DECR1: variants seen among roughly 807,000 people sequenced by gnomAD.
The protein encoded by DECR1 is 2,4-dienoyl-CoA reductase [(3E)-enoyl-CoA-producing], mitochondrial.
In DECR1, 44 loss-of-function variants were observed where a neutral mutation model predicts 38.8. The observed-to-expected ratio is 1.13, with a 90% CI of 0.89 to 1.46. The LOEUF (loss-of-function observed/expected upper bound fraction) is 1.46, where lower values mean the gene tolerates loss of function less well. Among genes scored for constraint, DECR1 ranks in the 40% most tolerant of loss-of-function variants. The pLI is 0.00. For missense variants in DECR1, 428 were observed against 405.5 expected (o/e 1.06, Z -0.48); for synonymous variants, 148 against 135.2 (o/e 1.09, Z -0.66).
chr8:90,007,491 G>A (rs762526804), intron 1 of DECR1, among the ~76,000 whole-genome samples: 13 of 151,998 alleles, frequency 8.6e-5, no homozygotes, highest in South Asian at 2.1e-4. Flanking sequence ...GCTTATAGAC[G>A]GATGGGATGT....
intron 5 of DECR1, 150 bp from the exon 6 acceptor site, chr8:90,036,691 C>T (rs1423216380): frequency 3.8e-6 from 2 of 529,932 alleles, no homozygotes; most frequent in Non-Finnish European, 6.6e-6. Context: ...AGGTTACTCT[C>T]TCATTAATTT....
intron 5 of DECR1, 22 bp downstream of exon 5, chr8:90,021,078 A>G (rs370070181): frequency 5.2e-6 from 8 of 1,541,440 alleles, no homozygotes; most frequent in South Asian, 2.5e-5. Flanking sequence ...TGCTTTTCTC[A>G]TATTTATTTG....
At chr8:90,049,054 C>T (rs868307556) in intron 8 of DECR1, among the ~76,000 whole-genome samples, 201 of 152,148 alleles carry the variant, frequency 1.3e-3, no homozygotes, top group African/African-American at 4.6e-3. Flanking sequence ...ATAATAAGAG[C>T]TATTTATGAC....
intron 6 of DECR1, among the ~76,000 whole-genome samples, chr8:90,040,558 G>A (rs993841228): frequency 6.6e-6 from 1 of 152,136 alleles, no homozygotes; most frequent in African/African-American, 2.4e-5. Context: ...ATGTGCCATG[G>A]TGGTTTGCAG....
chr8:90,036,895 T>C lies in DECR1; in HGVS notation c.620T>C (p.Val207Ala). ...TIYAETGSGF[V>A]VPSASAKAGV... ...TATGCTGAGACTGGTTCAGGTTTTG[T>C]AGTACCAAGTGCTTCTGCCAAAGCA... The change falls in exon 6 of 10, where the codon GTA becomes GCA. Residue 207 changes from valine to alanine, a missense_variant. Coordinates refer to ENST00000220764, the MANE Select transcript of DECR1 (RefSeq NM_001359.2). 1 of 1,613,558 alleles carries C rather than the reference T, an allele frequency of 6.2e-7. No individual in the cohort carries two copies. Among genetic ancestry groups the C allele is most frequent in the Non-Finnish European group, 8.5e-7 (1 of 1,179,752 alleles).
intron 5 of DECR1, among the ~76,000 whole-genome samples, chr8:90,034,367 G>A (rs937754659): frequency 6.6e-6 from 1 of 152,132 alleles, no homozygotes; most frequent in Non-Finnish European, 1.5e-5. Context: ...GAATAAATAA[G>A]AAGTAGAGAA....
chr8:90,030,728 T>C (rs1367435398), intron 5 of DECR1, among the ~76,000 whole-genome samples: 1 of 152,214 alleles, frequency 6.6e-6, no homozygotes, highest in Non-Finnish European at 1.5e-5. Flanking sequence ...GCTTAGAGTA[T>C]ATAAGAACCA....
chr8:90,032,098 A>G (rs928183067), intron 5 of DECR1, among the ~76,000 whole-genome samples: 4 of 152,072 alleles, frequency 2.6e-5, no homozygotes, highest in Non-Finnish European at 5.9e-5. Context: ...TTCAGATCTT[A>G]TAGGCTAATA....
rs1001185240 is a variant in DECR1, at chr8:90,002,597, A to G, written c.69+1036A>G. 5.9e-5 allele frequency among the ~76,000 whole-genome samples: 9 copies of G among 152,252 alleles called. No individual in the cohort carries two copies. In the East Asian group the frequency reaches 7.7e-4, roughly 13 times the overall value. ...TTTCTTTAGCCAGGTAGAAAAATTA[A>G]TATGTCAACTGTGAAAAAACTTCTT... On this transcript the variant is annotated intron_variant, in intron 1 of 9. Coordinates refer to ENST00000220764, the MANE Select transcript of DECR1 (RefSeq NM_001359.2).
chr8:90,026,920 T>C (rs1166819889), intron 5 of DECR1, among the ~76,000 whole-genome samples: 1 of 152,244 alleles, frequency 6.6e-6, no homozygotes, highest in Non-Finnish European at 1.5e-5. Context: ...TGGTATGTTG[T>C]GTCTTTGTTC....
rs1586142475 is a variant in DECR1 at position 90,017,290 on chromosome 8, T to C, written c.236T>C (p.Leu79Pro). Residue 79 changes from leucine (L) to proline (P), a missense_variant, in exon 2 of 10, where the codon CTG becomes CCG. Transcript: ENST00000220764. ...CTTGGTAAAGGAATGACAACTCTTC[T>C]GTCCAGCCTAGGTGCTCAGTGCGTG... ...TGLGKGMTTL[L>P]SSLGAQCVIA... The C allele has an allele frequency of 1.2e-6, 2 of 1,614,192 alleles. No individual in the cohort carries two copies. Among genetic ancestry groups the C allele is most frequent in the Non-Finnish European group, 1.7e-6 (2 of 1,180,034 alleles).
rs543735061 is a variant in DECR1, at chr8:90,051,098, C to T, written c.886-579C>T. On this transcript the variant is annotated intron_variant, in intron 8 of 9. Coordinates refer to ENST00000220764, the MANE Select transcript of DECR1 (RefSeq NM_001359.2). ...AAATGACGAGTTAATGCGTGCAGCA[C>T]ACCAACATGGCACATGTATACATAT... Among the ~76,000 whole-genome samples, 14 of 151,600 alleles carry T rather than the reference C, an allele frequency of 9.2e-5. 1 individual carries two copies. Among genetic ancestry groups the T allele is most frequent in the South Asian group, 4.2e-4 (2 of 4,816 alleles).
chr8:90,052,035 G>A lies in DECR1; in HGVS notation c.*138G>A. 2 of 684,360 alleles carry A rather than the reference G, an allele frequency of 2.9e-6. No individual in the cohort carries two copies. The highest frequency in any genetic ancestry group is 2.5e-6 in the Non-Finnish European group (1 of 407,886). 42.4% of individuals were successfully genotyped at this position (684,360 alleles called of 1,614,324 possible). On this transcript the variant is annotated 3_prime_UTR_variant, in exon 10 of 10. Coordinates refer to ENST00000220764, the MANE Select transcript of DECR1 (RefSeq NM_001359.2). ...TGAATATGTATTATGTGCCAGGCCA[G>A]TGATAGCCATTGTATATTCAAAGAT...
At position 90,052,960 on chromosome 8, in the gene DECR1, A is replaced by G. The variant is rs1814133097; in HGVS notation, c.*1063A>G. ...CAAGCCCATGGAAACCCCAATTAAC[A>G]TTGACAGTTAATTGTGTACATAAAT... On this transcript the variant is annotated 3_prime_UTR_variant, in exon 10 of 10. Transcript: ENST00000220764. 6.6e-6 allele frequency among the ~76,000 whole-genome samples: 1 copy of G among 152,162 alleles called. No homozygotes were observed. The highest frequency in any genetic ancestry group is 1.5e-5 in the Non-Finnish European group (1 of 68,024).
chr8:90,018,359 C>T (rs2130050001), intron 2 of DECR1, among the ~76,000 whole-genome samples: 1 of 152,250 alleles, frequency 6.6e-6, no homozygotes, highest in Admixed American at 6.5e-5. Context: ...AAAAATCCAC[C>T]CCTTCACCAT....
intron 8 of DECR1, among the ~76,000 whole-genome samples, chr8:90,051,171 A>G (rs2130188885): frequency 6.7e-6 from 1 of 148,970 alleles, no homozygotes; most frequent in Admixed American, 6.9e-5. Context: ...CTTCAAGTAT[A>G]ATTAAAAAAA....
At chr8:90,009,486 A>T (rs1389452830) in intron 1 of DECR1, among the ~76,000 whole-genome samples, 3 of 148,908 alleles carry the variant, frequency 2.0e-5, no homozygotes, top group Non-Finnish European at 2.9e-5. Flanking sequence ...CTTGCTGAGA[A>T]TAGAATATTG....
At chr8:90,004,352 G>GA (rs547488325) in intron 1 of DECR1, among the ~76,000 whole-genome samples, 989 of 84,676 alleles carry the variant, frequency 0.012, 9 homozygotes, top group African/African-American at 0.029. Flanking sequence ...ATCTCAAAAA[G>GA]AAAAAAAAAA....
intron 6 of DECR1, 31 bp from the exon 7 acceptor site, chr8:90,042,697 C>G: frequency 6.4e-7 from 1 of 1,573,846 alleles, no homozygotes; most frequent in East Asian, 2.2e-5. Flanking sequence ...TATAATATTT[C>G]AGAATGTATG....
Sources: gnomAD v4.1 joint callset for allele counts (sites outside exome capture counted in the v4.1 genomes callset) on GRCh38, gnomAD v4.1.1 for gene constraint, MANE v1.5 for transcripts, NCBI Gene and HGNC (gene_info 2026-07-23, HGNC 2026-07-21) for gene names.